Variants in TRUB2 observed in about 807,000 individuals in gnomAD.
The protein encoded by TRUB2 is TruB pseudouridine synthase family member 2.
A neutral mutation model predicts 31.9 loss-of-function variants in TRUB2; 31 were observed. The observed-to-expected ratio is 0.97, with a 90% confidence interval of 0.73 to 1.31. The LOEUF (loss-of-function observed/expected upper bound fraction) is 1.31. TRUB2 is among the 50% of genes most tolerant of loss of function. The probability of loss-of-function intolerance (pLI) is 0.00; values close to 1 mark genes in which losing one functional copy is unlikely to be tolerated. For synonymous variants in TRUB2, 201 were observed against 182.6 expected (o/e 1.10, Z -0.81); for missense variants, 451 against 439.6 (o/e 1.03, Z -0.23).
chr9:128,309,820 G>T lies in TRUB2; in HGVS notation c.726C>A (p.Ile242=), dbSNP rs2231641. The T allele has an allele frequency of 3.1e-6, 5 of 1,614,072 alleles. No homozygotes were observed. Among genetic ancestry groups the T allele is most frequent in the African/African-American group, 1.3e-5 (1 of 74,926 alleles). The part of the protein sequence containing the change: ...QKELRKLVHE[I]GLELKTTAVC... ...CAGCAGTGGTCTTTAGTTCCAGGCC[G>T]ATTTCATGAACCAACTTCCGCAGCT... The change falls in exon 8 of 8, where the codon ATC becomes ATA. Residue 242 remains isoleucine, a synonymous_variant. Transcript: ENST00000372890.
chr9:128,308,492 C>G lies in TRUB2; in HGVS notation c.*1058G>C, dbSNP rs1453887110. ...GAGGTTGCAGTGAGCCTAGATCGCA[C>G]CACTGCACTCCAGCCTGGGCCACAA... On this transcript the variant is annotated 3_prime_UTR_variant, in exon 8 of 8. Coordinates refer to ENST00000372890, the MANE Select transcript of TRUB2 (RefSeq NM_015679.3). 8 of 151,824 alleles carry G rather than the reference C, an allele frequency of 5.3e-5. No homozygotes were observed. The highest frequency in any genetic ancestry group is 4.2e-4 in the South Asian group (2 of 4,782). The allele number at this position is 151,824 out of a possible 1,614,324, so 9.4% of individuals were successfully genotyped here. A position where few individuals can be genotyped will look rare whatever the true frequency, so the allele number is the denominator to read the frequency against.
chr9:128,314,696 G>A (rs1168052137), intron 4 of TRUB2, among the ~76,000 whole-genome samples: 1 of 151,982 alleles, frequency 6.6e-6, no homozygotes, highest in African/African-American at 2.4e-5. Context: ...CTCCCAAAGT[G>A]GCAGGAGCCA....
chr9:128,312,317 T>C (rs1320316274), intron 5 of TRUB2, among the ~76,000 whole-genome samples: 1 of 151,782 alleles, frequency 6.6e-6, no homozygotes, highest in Non-Finnish European at 1.5e-5. Context: ...TTTGTATTTT[T>C]AGTAGAGACG....
chr9:128,316,408 T>A (rs1459906695), intron 3 of TRUB2: 2 of 150,352 alleles, frequency 1.3e-5, no homozygotes, highest in Non-Finnish European at 3.0e-5. Context: ...AAAAAAAAAA[T>A]ACTGATTCCT....
At chr9:128,321,846 C>G in intron 1 of TRUB2, 116 bp from the exon 2 acceptor site, 4 of 1,142,294 alleles carry the variant, frequency 3.5e-6, no homozygotes, top group Non-Finnish European at 4.9e-6. Flanking sequence ...ATGGCGCCAT[C>G]ATAGCTCACT....
intron 6 of TRUB2, 94 bp downstream of exon 6, chr9:128,311,435 C>A: frequency 7.8e-7 from 1 of 1,285,012 alleles, no homozygotes; most frequent in Non-Finnish European, 1.1e-6. Context: ...GCTCTAAAAA[C>A]AAGATCCATG....
intron 1 of TRUB2, 48 bp from the exon 2 acceptor site, chr9:128,321,778 A>T (rs1398317408): frequency 6.5e-7 from 1 of 1,542,696 alleles, no homozygotes; most frequent in Non-Finnish European, 8.8e-7. Context: ...AAATATATGT[A>T]CATATAAAAT....
At chr9:128,311,204 G>A in intron 6 of TRUB2, 181 bp from the exon 7 acceptor site, 1 of 795,976 alleles carries the variant, frequency 1.3e-6, no homozygotes, top group Non-Finnish European at 1.9e-6. Context: ...AGGCAAGCTG[G>A]CTCCAGAGCC....
chr9:128,309,859 A>G lies in TRUB2; in HGVS notation c.687T>C (p.His229=), dbSNP rs370327517. 13 of 1,613,732 alleles carry G rather than the reference A, an allele frequency of 8.1e-6. No homozygotes were observed. The African/African-American group carries it at 1.7e-4, about 22-fold the overall frequency. ...PEFLLEVQCM[H]ETQKELRKLV... ...ACTTCCGCAGCTCTTTCTGCGTCTC[A>G]TGCATGCACTGCACCTCTGCCAGGG... Residue 229 remains histidine, a synonymous_variant, in exon 8 of 8, where the codon CAT becomes CAC. Coordinates refer to ENST00000372890, the MANE Select transcript of TRUB2 (RefSeq NM_015679.3).
chr9:128,311,690 G>T, intron 5 of TRUB2, 89 bp from the exon 6 acceptor site: 1 of 1,388,222 alleles, frequency 7.2e-7, no homozygotes, highest in Non-Finnish European at 1.0e-6. Context: ...CCCCATCCCT[G>T]GAACATGGAG....
rs752052496 is a variant in TRUB2 at position 128,309,852 on chromosome 9, G to C, written c.694C>G (p.Gln232Glu). The C allele has an allele frequency of 6.2e-7, 1 of 1,614,062 alleles. No individual in the cohort carries two copies. Among genetic ancestry groups the C allele is most frequent in the South Asian group, 1.1e-5 (1 of 91,068 alleles). ...TGAACCAACTTCCGCAGCTCTTTCT[G>C]CGTCTCATGCATGCACTGCACCTCT... ...LLEVQCMHET[Q>E]KELRKLVHEI... The change falls in exon 8 of 8, where the codon CAG (glutamine) becomes GAG (glutamate). Residue 232 changes from glutamine (Q) to glutamate (E), a missense_variant. By Grantham distance (29) the Gln-to-Glu change is conservative. Transcript: ENST00000372890.
chr9:128,322,299 C>A lies in TRUB2; in HGVS notation c.109+1G>T. The A allele has an allele frequency of 6.2e-7, 1 of 1,613,346 alleles. No individual in the cohort carries two copies. Among genetic ancestry groups the A allele is most frequent in the Non-Finnish European group, 8.5e-7 (1 of 1,179,294 alleles). ...ACGTGGGTCTGGTTCGAGGCACTCA[C>A]CCTTCAGAAGTTGTAGCTCCACTGT... On this transcript the variant is annotated splice_donor_variant, in intron 1 of 7. Transcript: ENST00000372890. LOFTEE classifies it high-confidence loss of function.
At chr9:128,311,631 A>T in intron 5 of TRUB2, 30 bp from the exon 6 acceptor site, 1 of 1,612,546 alleles carries the variant, frequency 6.2e-7, no homozygotes. Flanking sequence ...GTCAATGTAC[A>T]GGTACCTGCT....
intron 2 of TRUB2, among the ~76,000 whole-genome samples, chr9:128,319,962 C>G: frequency 6.6e-6 from 1 of 151,526 alleles, no homozygotes. Context: ...GTCGCCCAGG[C>G]TGGAGTGCAG....
rs1049185601 is a variant in TRUB2 at position 128,308,938 on chromosome 9, A to G, written c.*612T>C. ...CATCTCATTTTCATCTGTGTCTTCC[A>G]GTATTAAAGAGGTTGAGTGTCATTT... On this transcript the variant is annotated 3_prime_UTR_variant, in exon 8 of 8. Transcript: ENST00000372890. 6.6e-6 allele frequency: 1 copy of G among 152,288 alleles called. No homozygotes were observed. The highest frequency in any genetic ancestry group is 2.4e-5 in the African/African-American group (1 of 41,430). The allele number at this position is 152,288 out of a possible 1,614,324, so 9.4% of individuals were successfully genotyped here.
At position 128,309,344 on chromosome 9, in the gene TRUB2, AGTCTGTCATGTTTACT is replaced by A; in HGVS notation, c.*190_*205del. Reference sequence around the variant, plus strand: ...GCCTGGTCTGCCAATACTTTCTATCAGTCTGTCATGTTTACTGTCTTTTCCTCCATACAGAAGTTTT... The same window carrying A: ...GCCTGGTCTGCCAATACTTTCTATCAGTCTTTTCCTCCATACAGAAGTTTT... On this transcript the variant is annotated 3_prime_UTR_variant, in exon 8 of 8. Transcript: ENST00000372890. 1 of 585,150 alleles carries A rather than the reference AGTCTGTCATGTTTACT, an allele frequency of 1.7e-6. No individual in the cohort carries two copies. 36.2% of individuals were successfully genotyped at this position (585,150 alleles called of 1,614,324 possible). A position where few individuals can be genotyped will look rare whatever the true frequency, so the allele number is the denominator to read the frequency against.
chr9:128,313,174 G>A (rs543253774), intron 5 of TRUB2, among the ~76,000 whole-genome samples: 84 of 150,720 alleles, frequency 5.6e-4, no homozygotes, highest in Admixed American at 7.3e-4. Flanking sequence ...CCAAGATCGC[G>A]CCACTGCACT....
At position 128,309,230 on chromosome 9, in the gene TRUB2, T is replaced by A. The variant is rs1325998447; in HGVS notation, c.*320A>T. 5 of 335,678 alleles carry A rather than the reference T, an allele frequency of 1.5e-5. No homozygotes were observed. The highest frequency in any genetic ancestry group is 4.1e-5 in the African/African-American group (2 of 48,498). The allele number at this position is 335,678 out of a possible 1,614,324, so 20.8% of individuals were successfully genotyped here. On this transcript the variant is annotated 3_prime_UTR_variant, in exon 8 of 8. Coordinates refer to ENST00000372890, the MANE Select transcript of TRUB2 (RefSeq NM_015679.3). The stretch of plus-strand genomic sequence containing the variant: ...GCAGTGGCTATTCACAGGCGCCGTC[T>A]AGCGCACTACAACCTTAAACTCCTG...
chr9:128,318,048 A>C (rs1832097597), intron 2 of TRUB2, among the ~76,000 whole-genome samples: 2 of 152,182 alleles, frequency 1.3e-5, no homozygotes, highest in East Asian at 1.9e-4. Flanking sequence ...ATTCAGTAAA[A>C]AAATCACTCT....
Sources: allele counts gnomAD v4.1 joint callset (sites outside exome capture counted in the v4.1 genomes callset), GRCh38; gene constraint gnomAD v4.1.1; transcripts MANE v1.5; gene names NCBI Gene and HGNC (gene_info 2026-07-23, HGNC 2026-07-21).